Variants in PPP2R2C observed in about 807,000 individuals in gnomAD.
PPP2R2C encodes protein phosphatase 2 regulatory subunit Bgamma, also known as protein phosphatase 2, regulatory subunit B, gamma.
A neutral mutation model predicts 45.3 loss-of-function variants in PPP2R2C; 10 were observed. The observed-to-expected ratio is 0.22, with a 90% CI of 0.14 to 0.37. PPP2R2C has a LOEUF of 0.37. Ranked by LOEUF, PPP2R2C falls within the 10% of genes least tolerant of loss-of-function variation. The pLI is 1.00. For synonymous variants in PPP2R2C, 257 were observed against 245.4 expected, an observed-to-expected ratio of 1.05 and a Z score of -0.44; for missense variants, 308 against 619.7, an observed-to-expected ratio of 0.50 and a Z score of 5.34.
At chr4:6,342,537 G>C (rs569241678) in intron 6 of PPP2R2C, among the ~76,000 whole-genome samples, 254 of 152,284 alleles carry the variant, frequency 1.7e-3, no homozygotes, top group Middle Eastern at 3.4e-3. Flanking sequence ...GCACGTCGTT[G>C]GGGGCCTATG....
chr4:6,492,310 G>C (rs74413015), intron 2 of PPP2R2C, among the ~76,000 whole-genome samples: 2,628 of 152,324 alleles, frequency 0.017, 85 homozygotes, highest in African/African-American at 0.06. Context: ...GACTCCAACA[G>C]GGTCAGCCGG....
chr4:6,454,517 C>T (rs1395035511), intron 1 of PPP2R2C, among the ~76,000 whole-genome samples: 1 of 152,176 alleles, frequency 6.6e-6, no homozygotes, highest in Non-Finnish European at 1.5e-5. Context: ...CTCTCCCCAC[C>T]CCGCAGAAAA....
At chr4:6,558,693 A>G (rs1157801880) in intron 1 of PPP2R2C, among the ~76,000 whole-genome samples, 1 of 152,108 alleles carries the variant, frequency 6.6e-6, no homozygotes, top group African/African-American at 2.4e-5. Context: ...AGTGCCAGCA[A>G]AGAGTGCAAC....
At chr4:6,501,573 TTTCATTCATTCA>T (rs367725442) in intron 2 of PPP2R2C, among the ~76,000 whole-genome samples, 2 of 152,032 alleles carry the variant, frequency 1.3e-5, no homozygotes, top group Non-Finnish European at 2.9e-5. Context: ...CTTGTAACAC[TTTCATTCATTCA>T]TTCATTCATT....
intron 6 of PPP2R2C, among the ~76,000 whole-genome samples, chr4:6,337,108 G>GTATATATATATATA (rs1245832072): frequency 3.0e-5 from 1 of 33,204 alleles, no homozygotes; most frequent in African/African-American, 7.8e-5. Context: ...CTGTATGTGT[G>GTATATATATATATA]TGTGTATATA....
intron 1 of PPP2R2C, among the ~76,000 whole-genome samples, chr4:6,535,775 C>G (rs1724589778): frequency 6.6e-6 from 1 of 152,180 alleles, no homozygotes; most frequent in African/African-American, 2.4e-5. Context: ...GAAGCCCCGC[C>G]CCACCCCATA....
rs114423429 is a variant in PPP2R2C at position 6,360,747 on chromosome 4, G to T, written c.625+11776C>A. Among the ~76,000 whole-genome samples, 1,221 of 152,334 alleles carry T rather than the reference G, an allele frequency of 8.0e-3. 7 individuals carry two copies. The highest frequency in any genetic ancestry group is 0.013 in the Non-Finnish European group (917 of 68,036). On this transcript the variant is annotated intron_variant, in intron 5 of 8. Coordinates refer to ENST00000382599, the MANE Select transcript of PPP2R2C (RefSeq NM_020416.4). ...CAAGGCATGTCAGATCCTACAGGAGGATTCCTGGCTGCCATAGCAAAATGC... is the reference window on the plus strand; with the variant it reads ...CAAGGCATGTCAGATCCTACAGGAGTATTCCTGGCTGCCATAGCAAAATGC...
At chr4:6,466,678 G>C (rs970909620) in intron 1 of PPP2R2C, among the ~76,000 whole-genome samples, 1 of 152,108 alleles carries the variant, frequency 6.6e-6, no homozygotes, top group East Asian at 1.9e-4. Context: ...GGCTCTTCCA[G>C]TCTCAAGGCC....
chr4:6,403,732 G>A (rs1376787022), intron 1 of PPP2R2C, among the ~76,000 whole-genome samples: 5 of 152,088 alleles, frequency 3.3e-5, no homozygotes, highest in Non-Finnish European at 1.5e-5. Flanking sequence ...GCGTGGTGGT[G>A]GGTGCCTGTA....
intron 5 of PPP2R2C, among the ~76,000 whole-genome samples, chr4:6,359,305 C>G (rs1407617985): frequency 2.0e-5 from 3 of 152,052 alleles, no homozygotes; most frequent in Admixed American, 2.0e-4. Flanking sequence ...TGAGAACACT[C>G]GGACACAGGG....
intron 1 of PPP2R2C, among the ~76,000 whole-genome samples, chr4:6,459,320 C>T (rs566455744): frequency 2.0e-5 from 3 of 152,180 alleles, no homozygotes; most frequent in Non-Finnish European, 4.4e-5. Context: ...GGCTTCCTCA[C>T]AATATGGTGG....
At position 6,364,829 on chromosome 4, in the gene PPP2R2C, A is replaced by G. The variant is rs1419519049; in HGVS notation, c.625+7694T>C. Among the ~76,000 whole-genome samples, 1 of 152,128 alleles carries G rather than the reference A, an allele frequency of 6.6e-6. No homozygotes were observed. The highest frequency in any genetic ancestry group is 1.5e-5 in the Non-Finnish European group (1 of 68,018). On this transcript the variant is annotated intron_variant, in intron 5 of 8. Transcript: ENST00000382599. The surrounding 1 kb of genome is among the most constrained non-coding windows in gnomAD (Gnocchi z 5.3). ...CATGATCAGAGTGAGACAGTGGCCT[A>G]AACACATGCTGGGGGCAGACAGGCA... is the stretch of plus-strand genomic sequence containing the variant.
At chr4:6,442,544 A>G (rs1651379720) in intron 1 of PPP2R2C, among the ~76,000 whole-genome samples, 1 of 152,210 alleles carries the variant, frequency 6.6e-6, no homozygotes, top group African/African-American at 2.4e-5. Context: ...GCATGGCCCC[A>G]AGGGCTGGGA....
chr4:6,532,836 G>T (rs1297768374), intron 2 of PPP2R2C, among the ~76,000 whole-genome samples: 1 of 152,152 alleles, frequency 6.6e-6, no homozygotes, highest in Non-Finnish European at 1.5e-5. Context: ...TCTGAGTCAA[G>T]TCCCAAGGCA....
chr4:6,512,182 G>A (rs1723611605), intron 2 of PPP2R2C, among the ~76,000 whole-genome samples: 12 of 73,048 alleles, frequency 1.6e-4, no homozygotes, highest in Admixed American at 1.3e-3. Flanking sequence ...GGTGCTGATG[G>A]TGGTGGTGGT....
At chr4:6,395,291 A>G (rs1348308042) in intron 1 of PPP2R2C, among the ~76,000 whole-genome samples, 1 of 152,096 alleles carries the variant, frequency 6.6e-6, no homozygotes, top group East Asian at 1.9e-4. Context: ...AAAGGAGGCC[A>G]TTTATTTATC....
At chr4:6,413,029 T>C (rs1002163489) in intron 1 of PPP2R2C, among the ~76,000 whole-genome samples, 1 of 152,240 alleles carries the variant, frequency 6.6e-6, no homozygotes, top group African/African-American at 2.4e-5. Context: ...ATCTTTGTTA[T>C]GGCAGCACCA....
In PPP2R2C at chr4:6,331,834, G is replaced by A. The variant is rs1732432263; in HGVS notation, c.960+1728C>T. 6.6e-6 allele frequency among the ~76,000 whole-genome samples: 1 copy of A among 152,124 alleles called. No homozygotes were observed. Among genetic ancestry groups the A allele is most frequent in the Admixed American group, 6.5e-5 (1 of 15,270 alleles). ...CTGCCCTCTCCAGACTCCCTGTTGT[G>A]GGAGAAAAATAGCCCCGATTTGTTA... On this transcript the variant is annotated intron_variant, in intron 7 of 8. Coordinates refer to ENST00000382599, the MANE Select transcript of PPP2R2C (RefSeq NM_020416.4). This position sits in a 1 kb window ranked among gnomAD's most constrained non-coding sequence, Gnocchi z 5.9.
chr4:6,463,599 G>C (rs1721441057), intron 1 of PPP2R2C, among the ~76,000 whole-genome samples: 1 of 152,218 alleles, frequency 6.6e-6, no homozygotes, highest in South Asian at 2.1e-4. Flanking sequence ...CCTGCTCCCG[G>C]GCCGGCTGGC....
Sources: allele counts gnomAD v4.1 joint callset (sites outside exome capture counted in the v4.1 genomes callset), GRCh38; gene constraint gnomAD v4.1.1; non-coding constraint Gnocchi (gnomAD v3.1); transcripts MANE v1.5; gene names NCBI Gene and HGNC (gene_info 2026-07-23, HGNC 2026-07-21).